Variants in KLF8 observed in about 807,000 individuals in gnomAD.
KLF8 encodes Krueppel-like factor 8.
KLF8 carries 10 observed loss-of-function variants against 18.2 expected under a neutral mutation model. That is an observed-to-expected ratio of 0.55 (90% CI 0.34 to 0.93). KLF8 has a LOEUF of 0.93. KLF8 is among the 40% of genes least tolerant of loss of function. The pLI, the probability that KLF8 is intolerant of heterozygous loss-of-function variation, is 0.02. For synonymous variants in KLF8, 109 were observed against 97.3 expected, an observed-to-expected ratio of 1.12 and a Z score of -0.71; for missense variants, 264 against 277.9, an observed-to-expected ratio of 0.95 and a Z score of 0.36.
chrX:56,166,677 G>T, the KLF8 span, among the ~76,000 whole-genome samples: 2 of 111,889 alleles, frequency 1.8e-5, no homozygotes, highest in African/African-American at 6.5e-5. Flanking sequence ...TTCATTCAGG[G>T]CTCTTTAGTG....
At chrX:56,156,557 G>T in the KLF8 span, among the ~76,000 whole-genome samples, 1 of 110,143 alleles carries the variant, frequency 9.1e-6, no homozygotes, top group African/African-American at 3.3e-5. Flanking sequence ...GCCCTTCAAA[G>T]GACATGATCT....
chrX:56,249,517 G>C (rs1251996181), intron 1 of KLF8, among the ~76,000 whole-genome samples: 2 of 111,569 alleles, frequency 1.8e-5, no homozygotes, highest in African/African-American at 6.5e-5. Context: ...CCACCCCCAA[G>C]TTCCATGGAA....
At chrX:56,010,013 T>A in the KLF8 span, among the ~76,000 whole-genome samples, 2 of 111,779 alleles carry the variant, frequency 1.8e-5, no homozygotes, top group Non-Finnish European at 3.8e-5. Flanking sequence ...ATGGAGAGAA[T>A]GGAGCCAAGT....
chrX:56,056,830 G>GT, the KLF8 span, among the ~76,000 whole-genome samples: 4 of 85,042 alleles, frequency 4.7e-5, no homozygotes, highest in African/African-American at 2.2e-4. Context: ...CATTGCAGGT[G>GT]TAAAAAAAAA....
At chrX:55,982,684 A>C in the KLF8 span, among the ~76,000 whole-genome samples, 1 of 111,928 alleles carries the variant, frequency 8.9e-6, no homozygotes, top group South Asian at 3.7e-4. Flanking sequence ...TTCAACCATC[A>C]CATTTGTAAA....
chrX:56,281,926 C>T (rs1022888190), intron 5 of KLF8, among the ~76,000 whole-genome samples: 1 of 112,018 alleles, frequency 8.9e-6, no homozygotes, highest in African/African-American at 3.2e-5. Context: ...TGCTGAATTC[C>T]TTTACAATAA....
chrX:55,969,167 G>A, the KLF8 span, among the ~76,000 whole-genome samples: 1 of 111,844 alleles, frequency 8.9e-6, no homozygotes, highest in Non-Finnish European at 1.9e-5. Context: ...CTTCTCCTTA[G>A]CACATGGTTC....
chrX:55,982,571 G>A, the KLF8 span, among the ~76,000 whole-genome samples: 1 of 111,617 alleles, frequency 9.0e-6, no homozygotes, highest in Non-Finnish European at 1.9e-5. Context: ...AATGGAGATA[G>A]CATAGCTATT....
At chrX:56,012,179 C>A in the KLF8 span, among the ~76,000 whole-genome samples, 1 of 111,939 alleles carries the variant, frequency 8.9e-6, no homozygotes, top group Non-Finnish European at 1.9e-5. Flanking sequence ...AACATTCCTG[C>A]TGAATATTGA....
the KLF8 span, among the ~76,000 whole-genome samples, chrX:56,104,412 A>G: frequency 3.6e-5 from 4 of 111,594 alleles, no homozygotes; most frequent in Non-Finnish European, 5.6e-5. Context: ...TGGTCTATTC[A>G]GAGATTCAGC....
the KLF8 span, among the ~76,000 whole-genome samples, chrX:56,061,115 G>C: frequency 9.0e-6 from 1 of 111,532 alleles, no homozygotes; most frequent in Admixed American, 9.5e-5. Flanking sequence ...CAAAAAACCA[G>C]CTCCTGGATT....
the KLF8 span, among the ~76,000 whole-genome samples, chrX:56,043,539 T>C: frequency 8.9e-6 from 1 of 111,808 alleles, no homozygotes; most frequent in Non-Finnish European, 1.9e-5. Flanking sequence ...TCTCTGTTTT[T>C]CTCTGCCTGT....
chrX:56,136,131 C>T, the KLF8 span, among the ~76,000 whole-genome samples: 1 of 111,720 alleles, frequency 9.0e-6, no homozygotes, highest in Non-Finnish European at 1.9e-5. Context: ...ACATTCCATG[C>T]TCATGGGTAG....
the KLF8 span, among the ~76,000 whole-genome samples, chrX:55,999,284 G>GTTTTTTTTTTTTTTTTTTTT: frequency 1.7e-4 from 3 of 17,504 alleles, no homozygotes; most frequent in Admixed American, 3.1e-4. Flanking sequence ...GATGCCTCCA[G>GTTTTTTTTTTTTTTTTTTTT]ATTTTTTTTT....
At chrX:56,153,356 GA>G in the KLF8 span, among the ~76,000 whole-genome samples, 31 of 99,045 alleles carry the variant, frequency 3.1e-4, no homozygotes, top group South Asian at 8.9e-4. Context: ...CTCATCTCAA[GA>G]AAAAAAAAAA....
chrX:56,178,115 C>T, the KLF8 span, among the ~76,000 whole-genome samples: 2 of 111,910 alleles, frequency 1.8e-5, no homozygotes, highest in African/African-American at 6.5e-5. Context: ...GTCCTGCACC[C>T]ACTTTCTGAC....
chrX:55,967,583 C>A, the KLF8 span, among the ~76,000 whole-genome samples: 1 of 111,105 alleles, frequency 9.0e-6, no homozygotes, highest in Non-Finnish European at 1.9e-5. Flanking sequence ...ATTTCACCAA[C>A]ACCAGACCCA....
the KLF8 span, among the ~76,000 whole-genome samples, chrX:56,191,626 A>T: frequency 8.9e-6 from 1 of 111,769 alleles, no homozygotes; most frequent in Non-Finnish European, 1.9e-5. Context: ...TTTATCCCAG[A>T]GATTCAAGGA....
At chrX:56,236,369 G>A (rs1421292628) in intron 1 of KLF8, among the ~76,000 whole-genome samples, 1 of 112,053 alleles carries the variant, frequency 8.9e-6, no homozygotes, top group South Asian at 3.7e-4. Context: ...AGGAATAAGT[G>A]TGTTAATTTT....
Sources: gnomAD v4.1 joint callset for allele counts (sites outside exome capture counted in the v4.1 genomes callset) on GRCh38, gnomAD v4.1.1 for gene constraint, MANE v1.5 for transcripts, NCBI Gene and HGNC (gene_info 2026-07-23, HGNC 2026-07-21) for gene names.